The following RSRC1 variants were observed in gnomAD, a reference collection of about 807,000 sequenced individuals.
The protein encoded by RSRC1 is arginine and serine rich coiled-coil 1, also known as serine/Arginine-related protein 53.
A neutral mutation model predicts 49.1 loss-of-function variants in RSRC1; 39 were observed. The observed-to-expected ratio is 0.79, with a 90% CI of 0.61 to 1.04. RSRC1 has a LOEUF of 1.04. RSRC1 is among the 50% of genes least tolerant of loss of function. RSRC1 has a pLI of 0.00. For synonymous variants in RSRC1, 143 were observed against 130.8 expected (o/e 1.09, Z -0.63); for missense variants, 388 against 402.4 (o/e 0.96, Z 0.31).
intron 4 of RSRC1, among the ~76,000 whole-genome samples, chr3:158,252,124 C>A (rs1724244337): frequency 1.3e-5 from 2 of 150,720 alleles, no homozygotes; most frequent in African/African-American, 4.9e-5. Context: ...CCATTCTTGC[C>A]TCTCTGGGAT....
chr3:158,522,654 G>A (rs1711754473), intron 7 of RSRC1, among the ~76,000 whole-genome samples: 1 of 152,122 alleles, frequency 6.6e-6, no homozygotes, highest in Non-Finnish European at 1.5e-5. Context: ...GTATACTTAT[G>A]TATATTACTT....
intron 6 of RSRC1, among the ~76,000 whole-genome samples, chr3:158,440,669 C>T (rs1273244039): frequency 1.3e-5 from 2 of 152,092 alleles, no homozygotes; most frequent in African/African-American, 2.4e-5. Flanking sequence ...ACCAGTTGGG[C>T]GCAGTGGCTC....
intron 4 of RSRC1, among the ~76,000 whole-genome samples, chr3:158,258,904 T>C (rs1268987206): frequency 6.6e-6 from 1 of 152,182 alleles, no homozygotes. Context: ...TCTTTTAAAT[T>C]ATTGCAGTCT....
rs527860688 is a variant in RSRC1, at chr3:158,192,731, A to G, written c.321-10341A>G. Among the ~76,000 whole-genome samples, 8 of 152,106 alleles carry G rather than the reference A, an allele frequency of 5.3e-5. No homozygotes were observed. In the East Asian group the frequency reaches 1.5e-3, roughly 29 times the overall value. On this transcript the variant is annotated intron_variant, in intron 3 of 9. Transcript: ENST00000611884. ...CCCAAATATTTCCTTTTATCCTCCA[A>G]AGGCTTCAGGACTTGGATGATAGGT...
intron 3 of RSRC1, among the ~76,000 whole-genome samples, chr3:158,196,172 G>C (rs557057054): frequency 0.015 from 1,190 of 80,428 alleles, 11 homozygotes; most frequent in Non-Finnish European, 0.023. Flanking sequence ...CTTTTATTTC[G>C]TTGAGCAGTG....
intron 3 of RSRC1, among the ~76,000 whole-genome samples, chr3:158,193,905 G>A (rs1042845720): frequency 2.0e-5 from 3 of 152,062 alleles, no homozygotes; most frequent in Non-Finnish European, 4.4e-5. Flanking sequence ...TTAAACCTAT[G>A]TTAACATTAG....
intron 4 of RSRC1, among the ~76,000 whole-genome samples, chr3:158,244,832 A>T (rs567255702): frequency 6.6e-6 from 1 of 151,576 alleles, no homozygotes; most frequent in Admixed American, 6.6e-5. Flanking sequence ...AGAGATTCAA[A>T]CTCTTACTGG....
chr3:158,229,147 C>G (rs1238977502), intron 4 of RSRC1, among the ~76,000 whole-genome samples: 1 of 149,576 alleles, frequency 6.7e-6, no homozygotes, highest in Non-Finnish European at 1.5e-5. Flanking sequence ...TATAAACATA[C>G]ATACGTGTAT....
At chr3:158,157,422 A>G (rs1362318276) in intron 3 of RSRC1, among the ~76,000 whole-genome samples, 1 of 152,192 alleles carries the variant, frequency 6.6e-6, no homozygotes, top group Non-Finnish European at 1.5e-5. Context: ...AAACGTAGGA[A>G]TATCTGGCTC....
intron 5 of RSRC1, among the ~76,000 whole-genome samples, chr3:158,338,507 A>G (rs1216177627): frequency 6.6e-6 from 1 of 152,200 alleles, no homozygotes; most frequent in East Asian, 1.9e-4. Flanking sequence ...TCATAGTGAG[A>G]TTACATTTAA....
intron 6 of RSRC1, among the ~76,000 whole-genome samples, chr3:158,418,426 C>T (rs917910339): frequency 3.3e-5 from 5 of 151,952 alleles, no homozygotes; most frequent in Admixed American, 1.3e-4. Flanking sequence ...CCCAGCCAGG[C>T]TGTTTTAGTC....
chr3:158,122,459 C>T lies in RSRC1; in HGVS notation c.194+161C>T, dbSNP rs75090746. ...TTTTTTTGTTCCACCAGGTCCAGTC[C>T]GTGGGTCTAGTGTCCTCAACCTTTG... On this transcript the variant is annotated intron_variant, in intron 2 of 9. Transcript: ENST00000611884. 6.6e-3 allele frequency among the ~76,000 whole-genome samples: 1,007 copies of T among 152,052 alleles called. 5 individuals carry two copies. Among genetic ancestry groups the T allele is most frequent in the Middle Eastern group, 0.014 (4 of 294 alleles).
At position 158,508,691 on chromosome 3, in the gene RSRC1, T is replaced by C. The variant is rs542165800; in HGVS notation, c.653-28401T>C. Among the ~76,000 whole-genome samples the C allele has an allele frequency of 1.4e-3, 208 of 152,282 alleles. 1 individual carries two copies. The highest frequency in any genetic ancestry group is 4.8e-3 in the African/African-American group (201 of 41,570). On this transcript the variant is annotated intron_variant, in intron 7 of 9. Transcript: ENST00000611884. ...CTCACACCATCACACATGAACCATC[T>C]CTTTGTCCAGTGTATTCACATTGTA...
At chr3:158,494,380 G>A (rs1174526480) in intron 7 of RSRC1, among the ~76,000 whole-genome samples, 2 of 152,182 alleles carry the variant, frequency 1.3e-5, no homozygotes, top group East Asian at 3.8e-4. Context: ...TGGAGTTGTA[G>A]AACTGGAAGT....
intron 3 of RSRC1, among the ~76,000 whole-genome samples, chr3:158,197,384 T>C (rs187680184): frequency 1.6e-4 from 25 of 152,316 alleles, no homozygotes; most frequent in Non-Finnish European, 2.9e-4. Flanking sequence ...TATTGGATTC[T>C]TCTCTCTTTT....
rs1193686562 is a variant in RSRC1, at chr3:158,541,591, A to G, written c.760-1744A>G. ...AATTCATGCATATTTTATCCTCTGT[A>G]TATTTTTCTTAGTGACATCTGTTTT... On this transcript the variant is annotated intron_variant, in intron 8 of 9. Coordinates refer to ENST00000611884, the MANE Select transcript of RSRC1 (RefSeq NM_001271838.2). 1.3e-5 allele frequency among the ~76,000 whole-genome samples: 2 copies of G among 152,196 alleles called. 1 individual carries two copies. Among genetic ancestry groups the G allele is most frequent in the African/African-American group, 4.8e-5 (2 of 41,458 alleles).
At chr3:158,227,851 T>A (rs1171089844) in intron 4 of RSRC1, among the ~76,000 whole-genome samples, 2 of 152,028 alleles carry the variant, frequency 1.3e-5, no homozygotes, top group African/African-American at 4.8e-5. Context: ...TGAATAGGCA[T>A]GTCTGTGTTG....
At chr3:158,401,488 G>A (rs1033079242) in intron 6 of RSRC1, among the ~76,000 whole-genome samples, 5 of 152,002 alleles carry the variant, frequency 3.3e-5, no homozygotes, top group Admixed American at 2.6e-4. Flanking sequence ...GCATGAGAAC[G>A]AGAAGAAATT....
intron 7 of RSRC1, among the ~76,000 whole-genome samples, chr3:158,508,771 T>C (rs768250650): frequency 2.0e-5 from 3 of 152,194 alleles, no homozygotes; most frequent in Non-Finnish European, 4.4e-5. Flanking sequence ...GATCAACTTT[T>C]GTAGTATCTC....
Sources: gnomAD v4.1 joint callset for allele counts (sites outside exome capture counted in the v4.1 genomes callset) on GRCh38, gnomAD v4.1.1 for gene constraint, MANE v1.5 for transcripts, NCBI Gene and HGNC (gene_info 2026-07-23, HGNC 2026-07-21) for gene names.